The following ATRX variants were observed in gnomAD, a reference collection of about 807,000 sequenced individuals.
ATRX encodes chromatin remodeler ATRX.
Under a neutral mutation model 172.6 loss-of-function variants are expected in ATRX, and 12 were observed. That is an observed-to-expected ratio of 0.07 (90% CI 0.04 to 0.11). The LOEUF (loss-of-function observed/expected upper bound fraction) is 0.11, where lower values mean the gene tolerates loss of function less well. ATRX is among the 10% of genes least tolerant of loss of function. The pLI is 1.00. For synonymous variants in ATRX, 674 were observed against 594.7 expected (o/e 1.13, Z -1.94); for missense variants, 1,368 against 1,767.4 (o/e 0.77, Z 4.05).
intron 28 of ATRX, among the ~76,000 whole-genome samples, chrX:77,569,575 A>G (rs2065331582): frequency 8.9e-6 from 1 of 112,301 alleles, no homozygotes; most frequent in African/African-American, 3.2e-5. Flanking sequence ...CAAAAGATCA[A>G]CACAAAAATC....
In ATRX at chrX:77,523,465, T is replaced by C. The variant is rs2063293556; in HGVS notation, c.6700-64A>G. The C allele has an allele frequency of 4.6e-6, 5 of 1,082,795 alleles. No homozygotes were observed. The East Asian group carries it at 1.2e-4, about 26-fold the overall frequency. 89.2% of individuals were successfully genotyped at this position (1,082,795 alleles called of 1,213,427 possible). A position where few individuals can be genotyped will look rare whatever the true frequency, so the allele number is the denominator to read the frequency against. Reference sequence around the variant, plus strand: ...CCCTCTGGACAGTATAATATCTCCATAGTTCTATGGTCAACTGTACTAGAA... The same window carrying C: ...CCCTCTGGACAGTATAATATCTCCACAGTTCTATGGTCAACTGTACTAGAA... On this transcript the variant is annotated intron_variant, in intron 30 of 34. Transcript: ENST00000373344.
At chrX:77,583,593 C>T (rs2065905369) in intron 27 of ATRX, among the ~76,000 whole-genome samples, 2 of 110,503 alleles carry the variant, frequency 1.8e-5, no homozygotes, top group South Asian at 7.6e-4. Context: ...CAAAATTCAA[C>T]ATCCCTTTAT....
chrX:77,538,909 T>C (rs1458302230), intron 30 of ATRX, among the ~76,000 whole-genome samples: 1 of 107,508 alleles, frequency 9.3e-6, no homozygotes, highest in African/African-American at 3.4e-5. Flanking sequence ...TTTTTTTTTT[T>C]TTTTGATACA....
intron 34 of ATRX, among the ~76,000 whole-genome samples, chrX:77,514,293 A>C (rs1602331502): frequency 1.8e-5 from 2 of 112,497 alleles, no homozygotes; most frequent in South Asian, 7.4e-4. Context: ...AAAAGGTTGA[A>C]TAGCCAAGGC....
At chrX:77,765,500 T>C (rs1403327353) in intron 1 of ATRX, among the ~76,000 whole-genome samples, 2 of 111,160 alleles carry the variant, frequency 1.8e-5, no homozygotes, top group African/African-American at 3.3e-5. Context: ...TCCACTTTCT[T>C]ACAGAAGTGT....
chrX:77,720,468 A>C (rs1557168244), intron 1 of ATRX, among the ~76,000 whole-genome samples: 1 of 111,606 alleles, frequency 9.0e-6, no homozygotes. Context: ...AATCAAATAG[A>C]TGCAATAAAA....
chrX:77,772,873 G>T (rs1557200020), intron 1 of ATRX, among the ~76,000 whole-genome samples: 1 of 104,992 alleles, frequency 9.5e-6, no homozygotes, highest in African/African-American at 3.5e-5. Context: ...TGAGAGACGG[G>T]GTCTTGCTCT....
chrX:77,527,870 A>AG (rs2063439077), intron 30 of ATRX, among the ~76,000 whole-genome samples: 1 of 111,955 alleles, frequency 8.9e-6, no homozygotes, highest in Admixed American at 9.4e-5. Flanking sequence ...CCAGCTGTGA[A>AG]GAGTGGACAC....
intron 30 of ATRX, among the ~76,000 whole-genome samples, chrX:77,525,168 T>A (rs184948008): frequency 2.7e-4 from 30 of 112,408 alleles, no homozygotes; most frequent in African/African-American, 8.7e-4. Context: ...CTTTGAAATG[T>A]TAACTAAATG....
intron 15 of ATRX, among the ~76,000 whole-genome samples, chrX:77,642,178 G>C (rs1399990985): frequency 9.0e-6 from 1 of 111,553 alleles, no homozygotes; most frequent in African/African-American, 3.3e-5. Context: ...ATGGGCAACA[G>C]AGTAAGACCC....
chrX:77,768,287 G>A (rs1557197301), intron 1 of ATRX, among the ~76,000 whole-genome samples: 1 of 111,753 alleles, frequency 8.9e-6, no homozygotes, highest in East Asian at 2.8e-4. Context: ...TAGCAGAAAA[G>A]TCAACAGTCC....
At chrX:77,634,504 C>A in intron 17 of ATRX, 90 bp downstream of exon 17, 1 of 751,662 alleles carries the variant, frequency 1.3e-6, no homozygotes, top group Admixed American at 2.4e-5. Flanking sequence ...TTATCTTCAG[C>A]CCCTACGACT....
intron 6 of ATRX, among the ~76,000 whole-genome samples, chrX:77,690,159 T>C (rs1411783973): frequency 1.8e-5 from 2 of 111,953 alleles, no homozygotes; most frequent in Non-Finnish European, 3.8e-5. Context: ...CACTGCAGCC[T>C]CTACCTCCCA....
intron 19 of ATRX, among the ~76,000 whole-genome samples, chrX:77,628,127 G>C (rs1307048944): frequency 8.9e-6 from 1 of 112,362 alleles, no homozygotes; most frequent in African/African-American, 3.2e-5. Flanking sequence ...CTGACTAAAA[G>C]AGTCTGTTAA....
chrX:77,646,342 A>G (rs1039078783), intron 15 of ATRX, among the ~76,000 whole-genome samples: 12 of 111,947 alleles, frequency 1.1e-4, no homozygotes, highest in African/African-American at 3.9e-4. Flanking sequence ...AATAGACTTT[A>G]AGTCAGAAAC....
chrX:77,537,079 A>C (rs1602424646), intron 30 of ATRX, among the ~76,000 whole-genome samples: 1 of 111,976 alleles, frequency 8.9e-6, no homozygotes, highest in Middle Eastern at 4.6e-3. Flanking sequence ...TTTTTAACTT[A>C]ATTTTAATGT....
At chrX:77,583,304 G>A (rs1557075078) in intron 27 of ATRX, among the ~76,000 whole-genome samples, 1 of 111,158 alleles carries the variant, frequency 9.0e-6, no homozygotes, top group Admixed American at 9.5e-5. Flanking sequence ...CAGGTGGACC[G>A]CTCGAGGTCA....
At chrX:77,661,226 A>G (rs891553009) in intron 12 of ATRX, among the ~76,000 whole-genome samples, 2 of 112,138 alleles carry the variant, frequency 1.8e-5, no homozygotes, top group Non-Finnish European at 3.8e-5. Context: ...TTGTACATAC[A>G]TTTCAAATAA....
At chrX:77,515,213 C>T (rs1053490065) in intron 34 of ATRX, among the ~76,000 whole-genome samples, 10 of 111,472 alleles carry the variant, frequency 9.0e-5, no homozygotes, top group South Asian at 7.6e-4. Context: ...GAGCTAAAAA[C>T]AGAACTACCA....
Sources: gnomAD v4.1 joint callset for allele counts (sites outside exome capture counted in the v4.1 genomes callset) on GRCh38, gnomAD v4.1.1 for gene constraint, MANE v1.5 for transcripts, NCBI Gene and HGNC (gene_info 2026-07-23, HGNC 2026-07-21) for gene names.